The following SMAD5 variants were observed in gnomAD, a reference collection of about 807,000 sequenced individuals.
The protein encoded by SMAD5 is MAD, mothers against decapentaplegic homolog 5.
Under a neutral mutation model 43.1 loss-of-function variants are expected in SMAD5, and 9 were observed. The ratio of observed to expected loss-of-function variants is 0.21; its 90% CI spans 0.13 to 0.36. SMAD5 has a LOEUF of 0.36. Among genes scored for constraint, SMAD5 ranks in the 10% least tolerant of loss-of-function variants. SMAD5 has a pLI of 1.00. For synonymous variants in SMAD5, 190 were observed against 192.4 expected, an observed-to-expected ratio of 0.99 and a Z score of 0.10; for missense variants, 348 against 574.0, an observed-to-expected ratio of 0.61 and a Z score of 4.02.
chr5:136,161,003 C>A lies in SMAD5; in HGVS notation c.551C>A (p.Pro184His), dbSNP rs543749451. 3 of 1,613,938 alleles carry A rather than the reference C, an allele frequency of 1.9e-6. No homozygotes were observed. Among genetic ancestry groups the A allele is most frequent in the Middle Eastern group, 1.6e-4 (1 of 6,062 alleles). Residue 184 changes from proline to histidine, a missense_variant, in exon 4 of 8, where the codon CCT becomes CAT. Around this residue, in one of 5 missense-constraint regions of SMAD5, gnomAD observed 185 missense variants for 207.0 expected, o/e 0.89. Transcript: ENST00000545279. ...PDSFHQPNNT[P>H]FPLSPNSPYP... Reference sequence around the variant, plus strand: ...TCTTTCCACCAGCCCAACAACACTCCTTTTCCCTTATCTCCAAACAGCCCT... The same window carrying A: ...TCTTTCCACCAGCCCAACAACACTCATTTTCCCTTATCTCCAAACAGCCCT...
chr5:136,137,254 T>C (rs1190354082), intron 1 of SMAD5, among the ~76,000 whole-genome samples: 1 of 146,864 alleles, frequency 6.8e-6, no homozygotes, highest in Admixed American at 6.8e-5. Flanking sequence ...TAGGTTTTGC[T>C]CTTGAATTTT....
chr5:136,174,667 A>G (rs764407151), intron 7 of SMAD5, 35 bp downstream of exon 7: 3 of 1,455,176 alleles, frequency 2.1e-6, no homozygotes, highest in Admixed American at 3.5e-5. Flanking sequence ...TTGAGTCACT[A>G]TAAATGTGTA....
chr5:136,166,848 TTAA>T (rs1419827908), intron 5 of SMAD5, among the ~76,000 whole-genome samples: 2 of 152,202 alleles, frequency 1.3e-5, no homozygotes, highest in African/African-American at 4.8e-5. Flanking sequence ...ATAGTGCCAT[TTAA>T]TAGTGTTATA....
At chr5:136,161,243 T>A in intron 4 of SMAD5, 136 bp downstream of exon 4, 1 of 789,514 alleles carries the variant, frequency 1.3e-6, no homozygotes, top group Non-Finnish European at 2.0e-6. Context: ...CTTTAGGTAA[T>A]TGTTTGATTT....
chr5:136,166,329 A>G (rs958439369), intron 5 of SMAD5, among the ~76,000 whole-genome samples: 9 of 151,968 alleles, frequency 5.9e-5, no homozygotes, highest in East Asian at 3.9e-4. Flanking sequence ...ATGTGTTTTT[A>G]TGTGTTTTCT....
At chr5:136,152,343 G>T (rs925552003) in intron 2 of SMAD5, among the ~76,000 whole-genome samples, 1 of 152,228 alleles carries the variant, frequency 6.6e-6, no homozygotes, top group African/African-American at 2.4e-5. Flanking sequence ...ATGTAACAAA[G>T]AATCAATAAT....
chr5:136,158,563 G>C (rs530000336), intron 3 of SMAD5, among the ~76,000 whole-genome samples: 285 of 152,320 alleles, frequency 1.9e-3, no homozygotes, highest in African/African-American at 6.5e-3. Flanking sequence ...CTTCAGACTT[G>C]TAGGAGACTT....
intron 2 of SMAD5, 99 bp downstream of exon 2, chr5:136,148,005 T>C (rs1359142555): frequency 6.6e-6 from 1 of 151,780 alleles, no homozygotes; most frequent in Non-Finnish European, 1.5e-5. Context: ...TCATTTAAAA[T>C]GAAACCACTG....
At chr5:136,142,110 T>A (rs531465320) in intron 1 of SMAD5, among the ~76,000 whole-genome samples, 1 of 152,322 alleles carries the variant, frequency 6.6e-6, no homozygotes, top group Admixed American at 6.5e-5. Flanking sequence ...TATGTATCAC[T>A]AGGCTTACAG....
Position 136,159,768 on chromosome 5 carries a change from G to A in SMAD5, c.404-1088G>A, listed in dbSNP as rs137893771. ...ACCACATATTTAGTATACTAATGCA[G>A]TAGAATGAAATGAAACAATAGACAA... On this transcript the variant is annotated intron_variant, in intron 3 of 7. Transcript: ENST00000545279. 4.2e-3 allele frequency among the ~76,000 whole-genome samples: 642 copies of A among 152,292 alleles called. 10 individuals are homozygous for A. The highest frequency in any genetic ancestry group is 0.014 in the African/African-American group (597 of 41,554).
At chr5:136,163,130 G>A (rs1753878539) in intron 4 of SMAD5, 142 bp from the exon 5 acceptor site, 1 of 577,178 alleles carries the variant, frequency 1.7e-6, no homozygotes, top group East Asian at 3.2e-5. Flanking sequence ...CTTTTCCCTT[G>A]CCCTAGGATA....
At chr5:136,173,142 G>A (rs922388540) in intron 6 of SMAD5, among the ~76,000 whole-genome samples, 4 of 152,178 alleles carry the variant, frequency 2.6e-5, no homozygotes, top group African/African-American at 9.7e-5. Flanking sequence ...GAAATCTAGT[G>A]TGAATGATAC....
chr5:136,164,743 T>C (rs76575246), intron 5 of SMAD5, among the ~76,000 whole-genome samples: 2,374 of 152,292 alleles, frequency 0.016, 37 homozygotes, highest in South Asian at 0.025. Context: ...TGTCAGTTTT[T>C]TCATTTCTAG....
At chr5:136,136,018 A>G (rs1752862721) in intron 1 of SMAD5, among the ~76,000 whole-genome samples, 1 of 152,232 alleles carries the variant, frequency 6.6e-6, no homozygotes. Context: ...AGCCTGAGGA[A>G]TGATTCTTGT....
intron 1 of SMAD5, among the ~76,000 whole-genome samples, chr5:136,142,110 T>C (rs531465320): frequency 2.0e-5 from 3 of 152,204 alleles, no homozygotes; most frequent in African/African-American, 7.2e-5. Flanking sequence ...TATGTATCAC[T>C]AGGCTTACAG....
intron 5 of SMAD5, among the ~76,000 whole-genome samples, chr5:136,170,878 G>A (rs1180603813): frequency 6.6e-6 from 1 of 151,874 alleles, no homozygotes; most frequent in Non-Finnish European, 1.5e-5. Context: ...GTTTATTGTT[G>A]CTGTATAGGA....
intron 5 of SMAD5, among the ~76,000 whole-genome samples, chr5:136,165,024 C>T (rs1753948291): frequency 6.6e-6 from 1 of 152,262 alleles, no homozygotes; most frequent in African/African-American, 2.4e-5. Flanking sequence ...CTGTAAATGC[C>T]AGGGTTTATT....
intron 3 of SMAD5, among the ~76,000 whole-genome samples, chr5:136,157,252 A>G (rs1753667426): frequency 6.6e-6 from 1 of 152,118 alleles, no homozygotes; most frequent in Admixed American, 6.5e-5. Context: ...AGATAAAAAG[A>G]TGGAGGATAG....
At position 136,178,591 on chromosome 5, in the gene SMAD5, G is replaced by C. The variant is rs1754510501; in HGVS notation, c.*1111G>C. On this transcript the variant is annotated 3_prime_UTR_variant, in exon 8 of 8. Transcript: ENST00000545279. The stretch of plus-strand genomic sequence containing the variant: ...TTTTATGGGTGTTATCAGTGCTGGA[G>C]AATCATGTAGTTAATCCCATTGCTC... 1 of 152,142 alleles carries C rather than the reference G, an allele frequency of 6.6e-6. No individual in the cohort carries two copies. The allele number at this position is 152,142 out of a possible 1,614,324, so 9.4% of individuals were successfully genotyped here.
Sources: allele counts gnomAD v4.1 joint callset (sites outside exome capture counted in the v4.1 genomes callset), GRCh38; gene constraint gnomAD v4.1.1; regional missense constraint gnomAD v4.1.1; transcripts MANE v1.5; gene names NCBI Gene and HGNC (gene_info 2026-07-23, HGNC 2026-07-21).